MYO16: variants seen among roughly 807,000 people sequenced by gnomAD.
MYO16 encodes the protein unconventional myosin-XVI.
A neutral mutation model predicts 205.3 loss-of-function variants in MYO16; 94 were observed. The observed-to-expected ratio is 0.46, with a 90% CI of 0.39 to 0.54. MYO16 has a LOEUF of 0.54. Ranked by LOEUF, MYO16 falls within the 20% of genes least tolerant of loss-of-function variation. The pLI is 0.00. For missense variants in MYO16, 2,315 were observed against 2,387.5 expected (o/e 0.97, Z 0.63); for synonymous variants, 988 against 954.0 (o/e 1.04, Z -0.66).
intron 31 of MYO16, among the ~76,000 whole-genome samples, chr13:109,132,644 C>G (rs1199883673): frequency 6.6e-6 from 1 of 152,150 alleles, no homozygotes; most frequent in Non-Finnish European, 1.5e-5. Flanking sequence ...TGAAATGTGT[C>G]AAGGCTAGAT....
At chr13:108,687,101 A>C (rs9520960) in intron 2 of MYO16, among the ~76,000 whole-genome samples, 54,208 of 152,196 alleles carry the variant, frequency 0.36, 9,744 homozygotes, top group Middle Eastern at 0.43. Context: ...TCAGATAACA[A>C]GGATTCACAT....
intron 1 of MYO16, among the ~76,000 whole-genome samples, chr13:108,634,941 C>T (rs1044805417): frequency 2.0e-5 from 3 of 151,656 alleles, no homozygotes; most frequent in Admixed American, 6.5e-5. Flanking sequence ...TGTCTCTTAA[C>T]AACATGGACA....
intron 4 of MYO16, among the ~76,000 whole-genome samples, chr13:108,781,329 A>G (rs1013295200): frequency 3.9e-5 from 6 of 152,230 alleles, no homozygotes; most frequent in African/African-American, 1.4e-4. Flanking sequence ...GTTCCAGCCT[A>G]TGCTGAGGTC....
intron 1 of MYO16, among the ~76,000 whole-genome samples, chr13:108,640,573 G>A (rs1052433870): frequency 1.3e-5 from 2 of 152,168 alleles, no homozygotes; most frequent in African/African-American, 2.4e-5. Flanking sequence ...TAGGTCACAT[G>A]TGCTGATATG....
intron 9 of MYO16, among the ~76,000 whole-genome samples, chr13:108,825,578 A>AAAATAAATAAATAAAT (rs148579255): frequency 0.032 from 4,782 of 148,794 alleles, 101 homozygotes; most frequent in East Asian, 0.056. Context: ...ACCTAGCAAG[A>AAAATAAATAAATAAAT]AAATAAATAA....
At chr13:109,178,677 A>G (rs1325842281) in intron 33 of MYO16, among the ~76,000 whole-genome samples, 1 of 152,098 alleles carries the variant, frequency 6.6e-6, no homozygotes, top group Non-Finnish European at 1.5e-5. Context: ...AGTGATTCTC[A>G]GCCCGTGTAG....
chr13:108,733,968 C>CA lies in MYO16; in HGVS notation c.507+6394dup, dbSNP rs528905537. ...TGGGCGACAGAATGAGACTCCGTCT[C>CA]AAAAAAAAATAAATAAATAACACAG... is the stretch of plus-strand genomic sequence containing the variant. On this transcript the variant is annotated intron_variant, in intron 4 of 34. Coordinates refer to ENST00000457511, the MANE Select transcript of MYO16 (RefSeq NM_001198950.3). Among the ~76,000 whole-genome samples the CA allele has an allele frequency of 1.2e-3, 181 of 150,104 alleles. 2 individuals are homozygous for CA. The South Asian group carries it at 0.032, about 27-fold the overall frequency.
intron 1 of MYO16, among the ~76,000 whole-genome samples, chr13:108,624,554 A>T (rs1003557990): frequency 2.4e-4 from 37 of 152,164 alleles, no homozygotes; most frequent in African/African-American, 8.4e-4. Flanking sequence ...TGAAATGGAA[A>T]AGTCTTCCTA....
At chr13:109,047,555 A>C (rs1254093678) in intron 24 of MYO16, among the ~76,000 whole-genome samples, 1 of 152,148 alleles carries the variant, frequency 6.6e-6, no homozygotes, top group African/African-American at 2.4e-5. Context: ...CACTATATAC[A>C]AGACTGTATA....
At chr13:108,579,276 G>T in the MYO16 span, among the ~76,000 whole-genome samples, 2 of 152,194 alleles carry the variant, frequency 1.3e-5, no homozygotes, top group African/African-American at 4.8e-5. Context: ...CCATTGCCTT[G>T]CAATAACCTC....
At chr13:108,731,458 T>C (rs1379421500) in intron 4 of MYO16, among the ~76,000 whole-genome samples, 1 of 152,216 alleles carries the variant, frequency 6.6e-6, no homozygotes, top group East Asian at 1.9e-4. Context: ...TACACTTGTA[T>C]TACAAGTGCT....
upstream of MYO16, among the ~76,000 whole-genome samples, chr13:108,594,063 G>A (rs1227939201): frequency 1.3e-5 from 2 of 152,232 alleles, no homozygotes; most frequent in Non-Finnish European, 2.9e-5. Flanking sequence ...TATTATTCAG[G>A]CCACTCAAAC....
intron 3 of MYO16, among the ~76,000 whole-genome samples, chr13:108,726,933 C>T (rs1395245359): frequency 2.0e-5 from 3 of 150,904 alleles, no homozygotes; most frequent in African/African-American, 4.9e-5. Context: ...TGCTGTGAAA[C>T]GTGACTAGGG....
chr13:108,586,741 G>T, the MYO16 span, among the ~76,000 whole-genome samples: 917 of 152,292 alleles, frequency 6.0e-3, 6 homozygotes, highest in South Asian at 0.027. Context: ...CAAGTGGTGG[G>T]ATTCTTATGC....
chr13:108,842,925 A>T (rs1877320953), intron 9 of MYO16, among the ~76,000 whole-genome samples: 1 of 152,186 alleles, frequency 6.6e-6, no homozygotes, highest in African/African-American at 2.4e-5. Context: ...GCTACCAAAA[A>T]ATAAAAAGAA....
chr13:108,925,433 G>A (rs770775920), intron 16 of MYO16, among the ~76,000 whole-genome samples: 3 of 152,154 alleles, frequency 2.0e-5, no homozygotes, highest in Non-Finnish European at 4.4e-5. Context: ...ATTATTGACG[G>A]TGGGGCCAGA....
chr13:108,668,773 A>C (rs1881853543), intron 2 of MYO16, among the ~76,000 whole-genome samples: 1 of 152,132 alleles, frequency 6.6e-6, no homozygotes. Flanking sequence ...TGGGCTATGC[A>C]GGTTCATCTC....
intron 5 of MYO16, among the ~76,000 whole-genome samples, chr13:108,793,085 C>T (rs1886666473): frequency 6.6e-6 from 1 of 151,922 alleles, no homozygotes; most frequent in Non-Finnish European, 1.5e-5. Flanking sequence ...ATATCGAGAC[C>T]ATCCTGGCTA....
chr13:108,693,947 G>A (rs972642388), intron 2 of MYO16, among the ~76,000 whole-genome samples: 1 of 152,146 alleles, frequency 6.6e-6, no homozygotes, highest in South Asian at 2.1e-4. Context: ...AGTTATAAGT[G>A]AGAATATGTG....
Sources: gnomAD v4.1 joint callset for allele counts (sites outside exome capture counted in the v4.1 genomes callset) on GRCh38, gnomAD v4.1.1 for gene constraint, MANE v1.5 for transcripts, NCBI Gene and HGNC (gene_info 2026-07-23, HGNC 2026-07-21) for gene names.